Variants in ZSWIM4 observed in about 807,000 individuals in gnomAD.
The protein encoded by ZSWIM4 is zinc finger SWIM-type containing 4.
Under a neutral mutation model 102.5 loss-of-function variants are expected in ZSWIM4, and 62 were observed. The ratio of observed to expected loss-of-function variants is 0.60; its 90% CI spans 0.49 to 0.75. ZSWIM4 has a LOEUF of 0.75. ZSWIM4 is among the 30% of genes least tolerant of loss of function. The pLI, the probability that ZSWIM4 is intolerant of heterozygous loss-of-function variation, is 0.00. For synonymous variants in ZSWIM4, 652 were observed against 674.5 expected, an observed-to-expected ratio of 0.97 and a Z score of 0.52; for missense variants, 1,280 against 1,529.6, an observed-to-expected ratio of 0.84 and a Z score of 2.72.
intron 3 of ZSWIM4, among the ~76,000 whole-genome samples, chr19:13,806,417 C>T (rs1183341923): frequency 1.3e-5 from 2 of 151,890 alleles, no homozygotes; most frequent in Admixed American, 6.6e-5. Flanking sequence ...CCTATAATCC[C>T]AGCATTTGGG....
At chr19:13,812,761 C>T (rs1260787681) in intron 5 of ZSWIM4, among the ~76,000 whole-genome samples, 2 of 151,922 alleles carry the variant, frequency 1.3e-5, no homozygotes, top group African/African-American at 2.4e-5. Context: ...TGAGTCATCA[C>T]GCCTGACCCT....
At chr19:13,812,443 G>A (rs984973890) in intron 5 of ZSWIM4, among the ~76,000 whole-genome samples, 5 of 150,898 alleles carry the variant, frequency 3.3e-5, no homozygotes, top group Admixed American at 6.6e-5. Flanking sequence ...ACAGAGGCCC[G>A]GGATGTAATC....
chr19:13,819,866 C>T lies in ZSWIM4; in HGVS notation c.2060+374C>T, dbSNP rs1354883640. On this transcript the variant is annotated intron_variant, in intron 10 of 13. Coordinates refer to ENST00000590508, the MANE Select transcript of ZSWIM4 (RefSeq NM_001367834.3). The stretch of plus-strand genomic sequence containing the variant: ...TTTTTTGTTTTTTTTTTTTTTGAGA[C>T]GGAGTCTTGCTCTGTCACCCAGGCT... Among the ~76,000 whole-genome samples, 14 of 136,508 alleles carry T rather than the reference C, an allele frequency of 1.0e-4. 1 individual carries two copies. Among genetic ancestry groups the T allele is most frequent in the South Asian group, 4.7e-4 (2 of 4,214 alleles). 89.6% of individuals were successfully genotyped at this position (136,508 alleles called of 152,430 possible).
intron 11 of ZSWIM4, among the ~76,000 whole-genome samples, chr19:13,824,656 C>T (rs1193918405): frequency 3.3e-5 from 5 of 151,770 alleles, no homozygotes; most frequent in African/African-American, 1.2e-4. Flanking sequence ...CACTTGAACC[C>T]GGGAGGCAAA....
At chr19:13,827,588 C>CAAAA (rs35504300) in intron 12 of ZSWIM4, among the ~76,000 whole-genome samples, 5 of 72,492 alleles carry the variant, frequency 6.9e-5, no homozygotes, top group Non-Finnish European at 1.1e-4. Context: ...GTGAGACCCT[C>CAAAA]AAAAAAAAAA....
rs1975678396 is a variant in ZSWIM4 at position 13,828,741 on chromosome 19, G to A, written c.2461+15G>A. The A allele has an allele frequency of 6.2e-7, 1 of 1,612,912 alleles. No individual in the cohort carries two copies. Among genetic ancestry groups the A allele is most frequent in the Non-Finnish European group, 8.5e-7 (1 of 1,179,040 alleles). The stretch of plus-strand genomic sequence containing the variant: ...CACAGAGATTGGTGAGAGCCCCTAA[G>A]GGGACCTGCCACCCACTTCGCTGTT... On this transcript the variant is annotated intron_variant, in intron 13 of 13. Coordinates refer to ENST00000590508, the MANE Select transcript of ZSWIM4 (RefSeq NM_001367834.3).
chr19:13,825,126 G>A lies in ZSWIM4; in HGVS notation c.2216-424G>A, dbSNP rs1975571990. Among the ~76,000 whole-genome samples the A allele has an allele frequency of 6.6e-6, 1 of 150,662 alleles. No homozygotes were observed. The highest frequency in any genetic ancestry group is 2.5e-5 in the African/African-American group (1 of 40,792). On this transcript the variant is annotated intron_variant, in intron 11 of 13. Transcript: ENST00000590508. The surrounding 1 kb of genome is among the most constrained non-coding windows in gnomAD (Gnocchi z 4.6). ...GCCATCTCAGCTGACTGCAACCTCT[G>A]CCTCCCGGGTTCAAGCGATTCTCGT...
chr19:13,797,549 G>A (rs76856333), intron 1 of ZSWIM4, among the ~76,000 whole-genome samples: 2,661 of 152,266 alleles, frequency 0.017, 74 homozygotes, highest in African/African-American at 0.061. Flanking sequence ...AGCTTCCCTA[G>A]GCCACACTGG....
At position 13,805,017 on chromosome 19, in the gene ZSWIM4, A is replaced by G. The variant is rs1974880051; in HGVS notation, c.581A>G (p.Gln194Arg). ...CTGCCCATCTCCGAGACGCTCTCCC[A>G]GATGAACCGGGACCAGCTGCAGAAG... Reference protein sequence around the residue: ...LRLPISETLSQMNRDQLQKFV... With the variant: ...LRLPISETLSRMNRDQLQKFV... The change falls in exon 3 of 14, where the codon CAG becomes CGG. Residue 194 changes from glutamine (Q) to arginine (R), a missense_variant. Physicochemically the swap from Gln to Arg is conservative, Grantham distance 43. Coordinates refer to ENST00000590508, the MANE Select transcript of ZSWIM4 (RefSeq NM_001367834.3). 6.2e-7 allele frequency: 1 copy of G among 1,612,218 alleles called. No individual in the cohort carries two copies. The highest frequency in any genetic ancestry group is 2.2e-5 in the East Asian group (1 of 44,888).
At chr19:13,812,756 C>T (rs1002905837) in intron 5 of ZSWIM4, among the ~76,000 whole-genome samples, 4 of 151,974 alleles carry the variant, frequency 2.6e-5, no homozygotes, top group African/African-American at 9.7e-5. Context: ...AGGCGTGAGT[C>T]ATCACGCCTG....
Position 13,830,343 on chromosome 19 carries a change from G to A in ZSWIM4, c.2614G>A (p.Ala872Thr). The change falls in exon 14 of 14, where the codon GCC becomes ACC. Residue 872 changes from alanine to threonine, a missense_variant. Physicochemically the swap from Ala to Thr is moderately conservative, Grantham distance 58. Transcript: ENST00000590508. Reference sequence around the variant, plus strand: ...GCGGAGGGAGGAGCTCTGGGCCTGCGCCCGCACCCTGGCCTTGCAGTGCGC... The same window carrying A: ...GCGGAGGGAGGAGCTCTGGGCCTGCACCCGCACCCTGGCCTTGCAGTGCGC... ...TSRREELWACARTLALQCAMK... is the reference protein window; with the variant it reads ...TSRREELWACTRTLALQCAMK... The A allele has an allele frequency of 6.2e-7, 1 of 1,613,216 alleles. No individual in the cohort carries two copies. The highest frequency in any genetic ancestry group is 8.5e-7 in the Non-Finnish European group (1 of 1,180,004).
chr19:13,797,138 CT>C (rs1199360429), intron 1 of ZSWIM4, among the ~76,000 whole-genome samples: 1 of 152,224 alleles, frequency 6.6e-6, no homozygotes, highest in Non-Finnish European at 1.5e-5. Flanking sequence ...CCTCAGAGTT[CT>C]TGACCCACAG....
At chr19:13,826,401 C>T (rs537453807) in intron 12 of ZSWIM4, among the ~76,000 whole-genome samples, 1 of 152,168 alleles carries the variant, frequency 6.6e-6, no homozygotes, top group East Asian at 1.9e-4. Context: ...GAGGGATTCA[C>T]CACTGAAGGG....
intron 1 of ZSWIM4, among the ~76,000 whole-genome samples, chr19:13,797,921 T>C (rs1974654093): frequency 6.6e-6 from 1 of 152,140 alleles, no homozygotes; most frequent in South Asian, 2.1e-4. Flanking sequence ...CCTCCCAAAG[T>C]GTTGGAATTA....
At position 13,799,894 on chromosome 19, in the gene ZSWIM4, G is replaced by A. The variant is rs543482798; in HGVS notation, c.328G>A (p.Gly110Arg). 3 of 1,612,498 alleles carry A rather than the reference G, an allele frequency of 1.9e-6. No individual in the cohort carries two copies. The highest frequency in any genetic ancestry group is 1.7e-5 in the Admixed American group (1 of 59,988). ...CCGCGGGCTGCACCTGCTCCAGAGCGGGGCCGTGGACCGCGTGTTGCAAGT... is the reference window on the plus strand; with the variant it reads ...CCGCGGGCTGCACCTGCTCCAGAGCAGGGCCGTGGACCGCGTGTTGCAAGT... ...FTRGLHLLQS[G>R]AVDRVLQVGF... is the part of the protein sequence containing the mutation. Residue 110 changes from glycine to arginine, a missense_variant, in exon 2 of 14, where the codon GGG becomes AGG. Physicochemically the swap from Gly to Arg is moderately radical, Grantham distance 125. Coordinates refer to ENST00000590508, the MANE Select transcript of ZSWIM4 (RefSeq NM_001367834.3).
At chr19:13,805,217 C>A in intron 3 of ZSWIM4, 69 bp downstream of exon 3, 3 of 1,363,396 alleles carry the variant, frequency 2.2e-6, no homozygotes, top group Non-Finnish European at 3.1e-6. Flanking sequence ...TTGCTGTGTG[C>A]CCAGTGCTGG....
At chr19:13,800,904 G>A (rs1974752965) in intron 2 of ZSWIM4, among the ~76,000 whole-genome samples, 2 of 152,164 alleles carry the variant, frequency 1.3e-5, no homozygotes, top group African/African-American at 2.4e-5. Flanking sequence ...CACTTTGGGA[G>A]GCCAAGGCAG....
intron 5 of ZSWIM4, among the ~76,000 whole-genome samples, chr19:13,810,187 C>T (rs186206641): frequency 7.9e-5 from 12 of 151,792 alleles, no homozygotes; most frequent in African/African-American, 2.2e-4. Flanking sequence ...TTATTAGAGA[C>T]GGGGTTTCAC....
chr19:13,822,167 C>T (rs908737223), intron 10 of ZSWIM4, among the ~76,000 whole-genome samples: 5 of 38,840 alleles, frequency 1.3e-4, no homozygotes, highest in East Asian at 9.5e-4. Context: ...CACACATACA[C>T]ACACACACAC....
Sources: gnomAD v4.1 joint callset for allele counts (sites outside exome capture counted in the v4.1 genomes callset) on GRCh38, gnomAD v4.1.1 for gene constraint, Gnocchi (gnomAD v3.1) non-coding constraint, MANE v1.5 for transcripts, NCBI Gene and HGNC (gene_info 2026-07-23, HGNC 2026-07-21) for gene names.